The following TEP1 variants were observed in gnomAD, a reference collection of about 807,000 sequenced individuals.
TEP1 encodes the protein telomerase protein component 1.
A neutral mutation model predicts 306.3 loss-of-function variants in TEP1; 241 were observed. That is an observed-to-expected ratio of 0.79 (90% CI 0.71 to 0.88). The LOEUF is 0.88. Ranked by LOEUF, TEP1 falls within the 40% of genes least tolerant of loss-of-function variation. TEP1 has a pLI of 0.00. For missense variants in TEP1, 3,051 were observed against 3,276.1 expected, an observed-to-expected ratio of 0.93 and a Z score of 1.68; for synonymous variants, 1,289 against 1,305.5, an observed-to-expected ratio of 0.99 and a Z score of 0.27.
At position 20,373,733 on chromosome 14, in the gene TEP1, G is replaced by T. The variant is rs1412413878; in HGVS notation, c.6549C>A (p.Ile2183=). 6.2e-7 allele frequency: 1 copy of T among 1,614,210 alleles called. No homozygotes were observed. The highest frequency in any genetic ancestry group is 8.5e-7 in the Non-Finnish European group (1 of 1,180,032). Reference sequence around the variant, plus strand: ...GGCTAATGGGTCCTGAGTGAGCAGGGATGCTGGTCAGCTCCACGCCTTGAT... The same window carrying T: ...GGCTAATGGGTCCTGAGTGAGCAGGTATGCTGGTCAGCTCCACGCCTTGAT... The part of the protein sequence containing the change: ...WDHQGVELTS[I]PAHSGPISHC... Residue 2183 remains isoleucine, a synonymous_variant, in exon 45 of 55, where the codon ATC becomes ATA. Coordinates refer to ENST00000262715, the MANE Select transcript of TEP1 (RefSeq NM_007110.5).
rs1402856363 is a variant in TEP1 at position 20,368,801 on chromosome 14, C to T, written c.7758G>A (p.Gln2586=). ...ACACACACACACACACACTTACCAG[C>T]TGCATACTGGGTCTCTCCCATAGCT... ...DVKLWERPSM[Q]LLGLFRCEGS... Residue 2586 remains glutamine (Q), a synonymous_variant, in exon 54 of 55, where the codon CAG becomes CAA. Transcript: ENST00000262715. The T allele has an allele frequency of 6.2e-7, 1 of 1,610,026 alleles. No individual in the cohort carries two copies. The highest frequency in any genetic ancestry group is 8.5e-7 in the Non-Finnish European group (1 of 1,177,608).
chr14:20,403,960 GGAGATACAC>G, intron 5 of TEP1, 76 bp from the exon 6 acceptor site: 2 of 1,587,048 alleles, frequency 1.3e-6, no homozygotes, highest in Non-Finnish European at 8.6e-7. Context: ...ATCACTTCAT[GGAGATACAC>G]GAGAGCACAG....
intron 3 of TEP1, among the ~76,000 whole-genome samples, chr14:20,406,011 CAAA>C (rs765373019): frequency 5.6e-5 from 2 of 35,548 alleles, no homozygotes; most frequent in Admixed American, 2.8e-4. Context: ...GACTCCATCT[CAAA>C]AAAAAAAAAA....
chr14:20,407,767 T>C (rs1879296900), intron 2 of TEP1, 106 bp downstream of exon 2: 3 of 1,037,470 alleles, frequency 2.9e-6, no homozygotes, highest in African/African-American at 1.6e-5. Context: ...GGAGAGAAGA[T>C]AGCCAGACAC....
intron 11 of TEP1, 28 bp downstream of exon 11, chr14:20,395,831 A>T: frequency 1.9e-6 from 3 of 1,603,494 alleles, no homozygotes; most frequent in Non-Finnish European, 2.6e-6. Flanking sequence ...TGGGAGGCAA[A>T]GAGGAGTTGG....
intron 5 of TEP1, 96 bp downstream of exon 5, chr14:20,404,515 G>A (rs1173421863): frequency 1.2e-5 from 18 of 1,469,280 alleles, no homozygotes; most frequent in Non-Finnish European, 1.5e-5. Context: ...AAAGCTGAGG[G>A]GAAACCAAAT....
rs1876869058 is a variant in TEP1 at position 20,384,053 on chromosome 14, GC to G, written c.3518del (p.Gly1173AlafsTer24). ...LSLVTGQSGQ[G>X]KTAFLASLVS... ...GACTCTGTACCAGGAAGGCTGTCTT[GC>G]CCTGTCCTGACTGCCCCGTCACCAG... On this transcript the variant is annotated frameshift_variant, in exon 24 of 55. Coordinates refer to ENST00000262715, the MANE Select transcript of TEP1 (RefSeq NM_007110.5). LOFTEE classifies it high-confidence loss of function. The G allele has an allele frequency of 6.2e-7, 1 of 1,609,210 alleles. No homozygotes were observed. The highest frequency in any genetic ancestry group is 8.5e-7 in the Non-Finnish European group (1 of 1,177,866).
In TEP1 at chr14:20,386,588, A is replaced by G. The variant is rs1877179391; in HGVS notation, c.2720T>C (p.Phe907Ser). The change falls in exon 19 of 55, where the codon TTC becomes TCC. Residue 907 changes from phenylalanine to serine, a missense_variant. Phe to Ser is a radical substitution (Grantham distance 155, BLOSUM62 -2). This residue lies in a region of TEP1 where 1,507 missense variants were observed against 1,550.5 expected (regional missense o/e 0.97). Coordinates refer to ENST00000262715, the MANE Select transcript of TEP1 (RefSeq NM_007110.5). ...GTCCCGCTCCCCATGCATGTCTCGG[A>G]AAGTGGATGAAATGAAAAGCCGGAT... ...RSIRLFISST[F>S]RDMHGERDLL... 1 of 1,607,620 alleles carries G rather than the reference A, an allele frequency of 6.2e-7. No homozygotes were observed. The highest frequency in any genetic ancestry group is 8.5e-7 in the Non-Finnish European group (1 of 1,175,370).
At chr14:20,383,970 C>T in intron 24 of TEP1, 52 bp from the exon 25 acceptor site, 1 of 1,588,554 alleles carries the variant, frequency 6.3e-7, no homozygotes, top group Non-Finnish European at 8.5e-7. Context: ...GCCTGAGCTC[C>T]CTGTGCCTTA....
intron 19 of TEP1, 60 bp from the exon 20 acceptor site, chr14:20,386,255 A>T: frequency 3.1e-6 from 5 of 1,608,880 alleles, no homozygotes; most frequent in Non-Finnish European, 4.2e-6. Context: ...CAGGGAACAT[A>T]GGCACAAACA....
At chr14:20,389,195 T>C (rs1376247565) in intron 17 of TEP1, 43 bp downstream of exon 17, 1 of 1,588,012 alleles carries the variant, frequency 6.3e-7, no homozygotes, top group South Asian at 1.1e-5. Flanking sequence ...CTAAAAACTT[T>C]CCAACAAAGT....
chr14:20,400,137 CAAAAAAAAAA>C (rs58121179), intron 9 of TEP1, among the ~76,000 whole-genome samples: 1 of 80,468 alleles, frequency 1.2e-5, no homozygotes, highest in African/African-American at 4.0e-5. Context: ...AACTCCGTCT[CAAAAAAAAAA>C]AAAAAAAAAA....
intron 51 of TEP1, 135 bp from the exon 52 acceptor site, chr14:20,369,914 G>A: frequency 5.2e-6 from 3 of 575,502 alleles, no homozygotes; most frequent in East Asian, 3.1e-5. Context: ...AATCAAGTGC[G>A]CAAATTTTTT....
At position 20,404,701 on chromosome 14, in the gene TEP1, G is replaced by A; in HGVS notation, c.942C>T (p.Phe314=). 1 of 1,614,218 alleles carries A rather than the reference G, an allele frequency of 6.2e-7. No homozygotes were observed. Among genetic ancestry groups the A allele is most frequent in the Non-Finnish European group, 8.5e-7 (1 of 1,180,026 alleles). ...VANNILAIAA[F]LPACRPHLRR... ...GCAGGTGGGGGCGACACGCCGGCAA[G>A]AAAGCAGCAATGGCCAAGATGTTAT... Residue 314 remains phenylalanine, a synonymous_variant, in exon 5 of 55, where the codon TTC becomes TTT. Transcript: ENST00000262715.
At position 20,402,857 on chromosome 14, in the gene TEP1, C is replaced by T. The variant is rs532063206; in HGVS notation, c.1266+520G>A. 2.5e-4 allele frequency among the ~76,000 whole-genome samples: 38 copies of T among 152,160 alleles called. No homozygotes were observed. The South Asian group carries it at 7.7e-3, about 31-fold the overall frequency. ...TATCCAACTTTACTGACATGTCACC[C>T]GGCAGTAAAGTACAATACCAGCTGG... On this transcript the variant is annotated intron_variant, in intron 7 of 54. Coordinates refer to ENST00000262715, the MANE Select transcript of TEP1 (RefSeq NM_007110.5).
In TEP1 at chr14:20,368,796, AC is replaced by A; in HGVS notation, c.7761+1del. The A allele has an allele frequency of 6.2e-7, 1 of 1,605,530 alleles. No homozygotes were observed. Among genetic ancestry groups the A allele is most frequent in the Non-Finnish European group, 8.5e-7 (1 of 1,173,344 alleles). On this transcript the variant is annotated splice_donor_variant, in intron 54 of 54. Transcript: ENST00000262715. LOFTEE classifies it high-confidence loss of function. ...CACACACACACACACACACACACTT[AC>A]CAGCTGCATACTGGGTCTCTCCCAT...
Position 20,408,148 on chromosome 14 carries a change from C to G in TEP1, c.292G>C (p.Val98Leu). 6.2e-7 allele frequency: 1 copy of G among 1,610,694 alleles called. No individual in the cohort carries two copies. Among genetic ancestry groups the G allele is most frequent in the Non-Finnish European group, 8.5e-7 (1 of 1,178,302 alleles). Residue 98 changes from valine (V) to leucine (L), a missense_variant, in exon 2 of 55, where the codon GTT (valine) becomes CTT (leucine). Val to Leu is a conservative substitution (Grantham distance 32). Around this residue, in one of 3 missense-constraint regions of TEP1, gnomAD observed 1,507 missense variants for 1,550.5 expected, o/e 0.97. Coordinates refer to ENST00000262715, the MANE Select transcript of TEP1 (RefSeq NM_007110.5). ...LKTMEKPHGH[V>L]SAHPDILSLE... Reference sequence around the variant, plus strand: ...GAGAGGATGTCTGGGTGGGCAGAAACATGTCCATGTGGTTTCTCCATGGTC... The same window carrying G: ...GAGAGGATGTCTGGGTGGGCAGAAAGATGTCCATGTGGTTTCTCCATGGTC...
At chr14:20,396,873 C>A in intron 9 of TEP1, 143 bp from the exon 10 acceptor site, 5 of 471,298 alleles carry the variant, frequency 1.1e-5, no homozygotes, top group Non-Finnish European at 1.5e-5. Flanking sequence ...CCAGCCTGGG[C>A]AACATAGCAA....
intron 54 of TEP1, 38 bp downstream of exon 54, chr14:20,368,760 G>GCACACACACA (rs1488896797): frequency 2.1e-5 from 27 of 1,303,576 alleles, no homozygotes; most frequent in African/African-American, 4.4e-5. Flanking sequence ...GTGTGCAGGC[G>GCACACACACA]CACGCACACA....
Sources: allele counts gnomAD v4.1 joint callset (sites outside exome capture counted in the v4.1 genomes callset), GRCh38; gene constraint gnomAD v4.1.1; regional missense constraint gnomAD v4.1.1; transcripts MANE v1.5; gene names NCBI Gene and HGNC (gene_info 2026-07-23, HGNC 2026-07-21).